The following NAV1 variants were observed in gnomAD, a reference collection of about 807,000 sequenced individuals.
NAV1 encodes the protein pore membrane and/or filament interacting like protein 3.
NAV1 carries 18 observed loss-of-function variants against 175.2 expected under a neutral mutation model. That is an observed-to-expected ratio of 0.10 (90% CI 0.07 to 0.15). The LOEUF (loss-of-function observed/expected upper bound fraction) is 0.15, where lower values mean the gene tolerates loss of function less well. Ranked by LOEUF, NAV1 falls within the 10% of genes least tolerant of loss-of-function variation. The pLI, the probability that NAV1 is intolerant of heterozygous loss-of-function variation, is 1.00. For synonymous variants in NAV1, 897 were observed against 978.7 expected (o/e 0.92, Z 1.56); for missense variants, 1,731 against 2,436.6 (o/e 0.71, Z 6.10).
intron 1 of NAV1, among the ~76,000 whole-genome samples, chr1:201,627,573 C>T (rs747093573): frequency 3.4e-5 from 5 of 145,344 alleles, no homozygotes; most frequent in South Asian, 4.5e-4. Flanking sequence ...CCACTGCACC[C>T]GTCTGCCTAT....
intron 3 of NAV1, among the ~76,000 whole-genome samples, chr1:201,773,718 G>A (rs1675744500): frequency 6.6e-6 from 1 of 152,184 alleles, no homozygotes; most frequent in Admixed American, 6.5e-5. Context: ...AATGAGACGT[G>A]TAAATTTTGG....
chr1:201,748,151 GC>G (rs1267140903), intron 3 of NAV1, among the ~76,000 whole-genome samples: 1 of 152,218 alleles, frequency 6.6e-6, no homozygotes, highest in Non-Finnish European at 1.5e-5. Context: ...CAGTATATGA[GC>G]AGTATGTTAA....
intron 1 of NAV1, among the ~76,000 whole-genome samples, chr1:201,654,732 C>T (rs1406577372): frequency 6.6e-6 from 1 of 152,088 alleles, no homozygotes; most frequent in Non-Finnish European, 1.5e-5. Flanking sequence ...TCATAGAATC[C>T]TAGAATGGAA....
chr1:201,543,954 T>C (rs1201468001), intron 1 of NAV1, among the ~76,000 whole-genome samples: 1 of 152,210 alleles, frequency 6.6e-6, no homozygotes, highest in Non-Finnish European at 1.5e-5. Context: ...CTTCCTGTCT[T>C]CCAGTTTCCC....
At chr1:201,734,542 G>T (rs1186999734) in intron 3 of NAV1, among the ~76,000 whole-genome samples, 5 of 51,532 alleles carry the variant, frequency 9.7e-5, no homozygotes, top group African/African-American at 3.6e-4. Context: ...ATCATTTACA[G>T]TACTTTCTCA....
At chr1:201,588,186 A>G (rs763715660) in intron 1 of NAV1, among the ~76,000 whole-genome samples, 3 of 152,244 alleles carry the variant, frequency 2.0e-5, no homozygotes, top group Non-Finnish European at 4.4e-5. Flanking sequence ...AAATGGATGA[A>G]CAAAAATGTG....
Position 201,787,108 on chromosome 1 carries a change from C to T in NAV1, c.2995+531C>T, listed in dbSNP as rs577019735. The stretch of plus-strand genomic sequence containing the variant: ...GGCTGACTCAGATGTGTCCTGGCCA[C>T]CCCCTTCCTAAAGCCTAGGGAGAAA... On this transcript the variant is annotated intron_variant, in intron 9 of 29. Coordinates refer to ENST00000367296, the Ensembl canonical transcript of NAV1. This position sits in a 1 kb window ranked among gnomAD's most constrained non-coding sequence, Gnocchi z 4.3. 6.6e-6 allele frequency among the ~76,000 whole-genome samples: 1 copy of T among 152,318 alleles called. No individual in the cohort carries two copies. The highest frequency in any genetic ancestry group is 6.5e-5 in the Admixed American group (1 of 15,306).
exon 7 of NAV1, chr1:201,783,825 G>T: frequency 6.2e-7 from 1 of 1,613,362 alleles, no homozygotes; most frequent in Non-Finnish European, 8.5e-7. Flanking sequence ...ACTTGGAGTG[G>T]AAGCCCCAGA....
intron 1 of NAV1, among the ~76,000 whole-genome samples, chr1:201,670,057 A>T (rs558627325): frequency 6.6e-6 from 1 of 152,230 alleles, no homozygotes; most frequent in East Asian, 1.9e-4. Flanking sequence ...TAAATTTGAT[A>T]ACAAAACCCT....
chr1:201,718,239 A>T lies in NAV1; in HGVS notation c.861-151A>T. 1 of 666,824 alleles carries T rather than the reference A, an allele frequency of 1.5e-6. No individual in the cohort carries two copies. Among genetic ancestry groups the T allele is most frequent in the Non-Finnish European group, 2.3e-6 (1 of 429,680 alleles). 41.3% of individuals were successfully genotyped at this position (666,824 alleles called of 1,614,324 possible). A position where few individuals can be genotyped will look rare whatever the true frequency, so the allele number is the denominator to read the frequency against. ...TATCACAAAGGTAACACACAACCAG[A>T]GGCCTCATGGAGGAGGTGGAGCTTG... is the stretch of plus-strand genomic sequence containing the variant. On this transcript the variant is annotated intron_variant, in intron 2 of 29. Coordinates refer to ENST00000367296, the Ensembl canonical transcript of NAV1. The surrounding 1 kb of genome is among the most constrained non-coding windows in gnomAD (Gnocchi z 4.8).
chr1:201,714,377 C>T (rs1672047891), intron 2 of NAV1, among the ~76,000 whole-genome samples: 1 of 152,226 alleles, frequency 6.6e-6, no homozygotes. Context: ...ATCCCCAGCC[C>T]ATGCCCGCAT....
chr1:201,797,795 G>T (rs923694700), intron 15 of NAV1: 7 of 152,164 alleles, frequency 4.6e-5, no homozygotes, highest in African/African-American at 1.7e-4. Context: ...GATTACTAGT[G>T]TATAAAAATA....
At chr1:201,609,679 G>A (rs12385741) in intron 2 of NAV1, among the ~76,000 whole-genome samples, 11,359 of 152,200 alleles carry the variant, frequency 0.075, 605 homozygotes, top group African/African-American at 0.15. Flanking sequence ...TGGCGGCTTG[G>A]GGGTCTTCAC....
intron 10 of NAV1, among the ~76,000 whole-genome samples, chr1:201,789,134 A>G (rs1419291025): frequency 3.3e-5 from 5 of 152,144 alleles, no homozygotes; most frequent in Non-Finnish European, 7.3e-5. Context: ...GTTAGTACTG[A>G]TCAGAGCTAG....
At chr1:201,770,280 C>T (rs1675489226) in intron 3 of NAV1, among the ~76,000 whole-genome samples, 1 of 152,200 alleles carries the variant, frequency 6.6e-6, no homozygotes, top group Admixed American at 6.5e-5. Context: ...GCTGGCCTCT[C>T]CACAGTCCCT....
chr1:201,823,050 T>C (rs1257127637), exon 30 of NAV1: 1 of 152,620 alleles, frequency 6.6e-6, no homozygotes, highest in Non-Finnish European at 1.5e-5. Flanking sequence ...CTGGGTCCCA[T>C]AGCTAAATTC....
chr1:201,564,042 A>G (rs1188348401), intron 1 of NAV1, among the ~76,000 whole-genome samples: 1 of 151,388 alleles, frequency 6.6e-6, no homozygotes, highest in Non-Finnish European at 1.5e-5. Context: ...GGCTGCGGTG[A>G]GCCATGCTAG....
At chr1:201,677,962 C>T (rs1445392701) in intron 1 of NAV1, among the ~76,000 whole-genome samples, 1 of 152,088 alleles carries the variant, frequency 6.6e-6, no homozygotes, top group African/African-American at 2.4e-5. Flanking sequence ...GAAGCTTTCA[C>T]CAAACATGCT....
At chr1:201,587,743 A>C (rs1278314524) in intron 1 of NAV1, among the ~76,000 whole-genome samples, 1 of 152,214 alleles carries the variant, frequency 6.6e-6, no homozygotes, top group Admixed American at 6.5e-5. Context: ...ACTCAAATTA[A>C]AAGTAGGCAA....
Sources: gnomAD v4.1 joint callset for allele counts (sites outside exome capture counted in the v4.1 genomes callset) on GRCh38, gnomAD v4.1.1 for gene constraint, Gnocchi (gnomAD v3.1) non-coding constraint, MANE v1.5 for transcripts, NCBI Gene and HGNC (gene_info 2026-07-23, HGNC 2026-07-21) for gene names.